FARS2: variants seen among roughly 807,000 people sequenced by gnomAD.
The protein encoded by FARS2 is phenylalanyl-tRNA synthetase 2, mitochondrial, also known as phenylalanine--tRNA ligase, mitochondrial.
FARS2 carries 40 observed loss-of-function variants against 46.4 expected under a neutral mutation model. The observed-to-expected ratio is 0.86, with a 90% CI of 0.67 to 1.12. The LOEUF (loss-of-function observed/expected upper bound fraction) is 1.12, where lower values mean the gene tolerates loss of function less well. Ranked by LOEUF, FARS2 falls within the 50% of genes most tolerant of loss-of-function variation. The pLI, the probability that FARS2 is intolerant of heterozygous loss-of-function variation, is 0.00. For synonymous variants in FARS2, 234 were observed against 214.9 expected, an observed-to-expected ratio of 1.09 and a Z score of -0.78; for missense variants, 513 against 567.9, an observed-to-expected ratio of 0.90 and a Z score of 0.98.
At chr6:5,373,594 G>A (rs906186845) in intron 2 of FARS2, among the ~76,000 whole-genome samples, 1 of 152,234 alleles carries the variant, frequency 6.6e-6, no homozygotes, top group East Asian at 1.9e-4. Flanking sequence ...GTTTAGAAAT[G>A]TTTATGCCAT....
At chr6:5,431,268 C>A (rs1478432536) in intron 4 of FARS2, 96 bp downstream of exon 4, 2 of 1,244,178 alleles carry the variant, frequency 1.6e-6, no homozygotes, top group East Asian at 2.4e-5. Context: ...TTACATACTT[C>A]TATGCGGGCA....
intron 1 of FARS2, among the ~76,000 whole-genome samples, chr6:5,288,954 T>G (rs914481305): frequency 6.6e-6 from 1 of 152,226 alleles, no homozygotes; most frequent in Admixed American, 6.5e-5. Context: ...TATTCTAGGT[T>G]GAATTTCTAA....
At chr6:5,445,028 A>G (rs200197) in intron 4 of FARS2, among the ~76,000 whole-genome samples, 129,614 of 152,170 alleles carry the variant, frequency 0.85, 55,403 homozygotes, top group East Asian at 0.96. Context: ...TTTCATTTTA[A>G]CTCTCAAATC....
chr6:5,416,190 AT>A (rs1307234666), intron 3 of FARS2, among the ~76,000 whole-genome samples: 1 of 152,082 alleles, frequency 6.6e-6, no homozygotes, highest in Non-Finnish European at 1.5e-5. Context: ...TGCTTTTGAT[AT>A]TGTTTCTCGG....
At chr6:5,444,145 G>T (rs146964407) in intron 4 of FARS2, among the ~76,000 whole-genome samples, 4 of 151,390 alleles carry the variant, frequency 2.6e-5, no homozygotes, top group Admixed American at 1.3e-4. Context: ...ATGCACGCAC[G>T]TGCATATGTT....
chr6:5,648,869 G>A (rs1286770651), intron 6 of FARS2, among the ~76,000 whole-genome samples: 1 of 152,164 alleles, frequency 6.6e-6, no homozygotes, highest in Admixed American at 6.5e-5. Flanking sequence ...TGTCTCCATT[G>A]TGCATGCTCC....
chr6:5,517,585 C>G (rs1053510108), intron 4 of FARS2, among the ~76,000 whole-genome samples: 2 of 150,868 alleles, frequency 1.3e-5, no homozygotes, highest in Admixed American at 6.6e-5. Context: ...CCACTCCAGC[C>G]TGGGAGACAA....
intron 4 of FARS2, among the ~76,000 whole-genome samples, chr6:5,483,921 A>G (rs899901729): frequency 2.0e-5 from 3 of 152,080 alleles, no homozygotes; most frequent in African/African-American, 7.2e-5. Context: ...TGCCACCAAC[A>G]CCAGAATACT....
chr6:5,397,488 A>G (rs1760979127), intron 2 of FARS2, among the ~76,000 whole-genome samples: 1 of 152,230 alleles, frequency 6.6e-6, no homozygotes, highest in South Asian at 2.1e-4. Flanking sequence ...TAGTGTAACA[A>G]GTGTACCACT....
chr6:5,494,571 G>A (rs1237235448), intron 4 of FARS2, among the ~76,000 whole-genome samples: 1 of 152,190 alleles, frequency 6.6e-6, no homozygotes, highest in Non-Finnish European at 1.5e-5. Flanking sequence ...TGGTCCTCCT[G>A]TGGAAGGGCA....
intron 6 of FARS2, among the ~76,000 whole-genome samples, chr6:5,735,674 A>C (rs1760897853): frequency 6.6e-6 from 1 of 152,232 alleles, no homozygotes; most frequent in African/African-American, 2.4e-5. Context: ...AACAGTATGA[A>C]GTCTGAAAGG....
chr6:5,378,483 C>T (rs988143901), intron 2 of FARS2, among the ~76,000 whole-genome samples: 1 of 152,180 alleles, frequency 6.6e-6, no homozygotes, highest in Non-Finnish European at 1.5e-5. Context: ...CACTGGAACC[C>T]TCCTGTTCTT....
chr6:5,647,373 A>C (rs2150751667), intron 6 of FARS2, among the ~76,000 whole-genome samples: 1 of 152,364 alleles, frequency 6.6e-6, no homozygotes, highest in East Asian at 1.9e-4. Flanking sequence ...GTGAGAAGGA[A>C]GACATGGAAC....
At chr6:5,274,229 ACTT>A (rs2127835017) in intron 1 of FARS2, among the ~76,000 whole-genome samples, 2 of 152,262 alleles carry the variant, frequency 1.3e-5, no homozygotes, top group African/African-American at 4.8e-5. Context: ...TATCAACCGT[ACTT>A]CTTCCCGGCC....
At chr6:5,554,853 A>G (rs1157325259) in intron 5 of FARS2, among the ~76,000 whole-genome samples, 2 of 151,562 alleles carry the variant, frequency 1.3e-5, no homozygotes, top group East Asian at 3.9e-4. Flanking sequence ...GTAAGCTGTT[A>G]CTGTTGCCTA....
chr6:5,620,335 TA>T (rs532286582), intron 6 of FARS2, among the ~76,000 whole-genome samples: 1 of 152,148 alleles, frequency 6.6e-6, no homozygotes, highest in Non-Finnish European at 1.5e-5. Flanking sequence ...ATGCTTCTTA[TA>T]AAAAAAGTTT....
At chr6:5,657,633 T>G (rs1243676199) in intron 6 of FARS2, among the ~76,000 whole-genome samples, 1 of 152,230 alleles carries the variant, frequency 6.6e-6, no homozygotes, top group Admixed American at 6.5e-5. Context: ...GGTTTATAAG[T>G]GCTCCAGGGA....
intron 4 of FARS2, among the ~76,000 whole-genome samples, chr6:5,501,008 G>A (rs527367107): frequency 2.3e-4 from 35 of 151,696 alleles, no homozygotes; most frequent in African/African-American, 8.0e-4. Flanking sequence ...TGGGAGATGG[G>A]GCTAGAAGAG....
chr6:5,366,131 T>C (rs1022830293), intron 1 of FARS2, among the ~76,000 whole-genome samples: 7 of 152,228 alleles, frequency 4.6e-5, no homozygotes, highest in African/African-American at 1.7e-4. Flanking sequence ...GTCAGCTATA[T>C]TTGAATTGCC....
Sources: gnomAD v4.1 joint callset for allele counts (sites outside exome capture counted in the v4.1 genomes callset) on GRCh38, gnomAD v4.1.1 for gene constraint, MANE v1.5 for transcripts, NCBI Gene and HGNC (gene_info 2026-07-23, HGNC 2026-07-21) for gene names.